Variants in TEX22 observed in about 807,000 individuals in gnomAD.
TEX22 encodes the protein testis expressed 22, also known as testis-expressed protein 22.
In TEX22, 16 loss-of-function variants were observed where a neutral mutation model predicts 11.3. That is an observed-to-expected ratio of 1.42 (90% CI 0.96 to 2.15). The LOEUF (loss-of-function observed/expected upper bound fraction) is 2.15, where lower values mean the gene tolerates loss of function less well. Among genes scored for constraint, TEX22 ranks in the 30% most tolerant of loss-of-function variants. The probability of loss-of-function intolerance (pLI) is 0.00; values close to 1 mark genes in which losing one functional copy is unlikely to be tolerated. For missense variants in TEX22, 220 were observed against 208.6 expected, an observed-to-expected ratio of 1.05 and a Z score of -0.34; for synonymous variants, 97 against 92.3, an observed-to-expected ratio of 1.05 and a Z score of -0.29.
At chr14:105,410,320 A>T (rs1347193954) in intron 2 of TEX22, among the ~76,000 whole-genome samples, 3 of 151,538 alleles carry the variant, frequency 2.0e-5, no homozygotes, top group African/African-American at 7.3e-5. Context: ...CAGGTGATCT[A>T]CTCGCCTCGG....
chr14:105,407,390 A>G (rs2081663959), intron 2 of TEX22, among the ~76,000 whole-genome samples: 1 of 151,396 alleles, frequency 6.6e-6, no homozygotes, highest in African/African-American at 2.4e-5. Context: ...TTTTTTAGAG[A>G]TGGGATCTCA....
chr14:105,402,348 T>A (rs1368223270), intron 2 of TEX22, among the ~76,000 whole-genome samples: 1 of 152,140 alleles, frequency 6.6e-6, no homozygotes, highest in African/African-American at 2.4e-5. Context: ...AAGAGGGAGT[T>A]TGGATATGTG....
At position 105,400,361 on chromosome 14, in the gene TEX22, G is replaced by T. The variant is rs2081620423; in HGVS notation, c.150+871G>T. ...ACCCCTATGATGGTGTCAGGTGCTGGGGAGTGGGGTGACCAAACCAGCAGA... is the reference window on the plus strand; with the variant it reads ...ACCCCTATGATGGTGTCAGGTGCTGTGGAGTGGGGTGACCAAACCAGCAGA... On this transcript the variant is annotated intron_variant, in intron 2 of 3. Coordinates refer to ENST00000451127, the MANE Select transcript of TEX22 (RefSeq NM_001195082.2). Among the ~76,000 whole-genome samples the T allele has an allele frequency of 2.0e-5, 3 of 152,232 alleles. 1 individual carries two copies. In the South Asian group the frequency reaches 6.2e-4, roughly 32 times the overall value.
intron 2 of TEX22, among the ~76,000 whole-genome samples, chr14:105,410,060 C>T (rs963489120): frequency 6.6e-6 from 1 of 152,136 alleles, no homozygotes; most frequent in Non-Finnish European, 1.5e-5. Flanking sequence ...TGAACCATGG[C>T]GCCTAGCCTC....
rs1488450005 is a variant in TEX22, at chr14:105,399,416, C to G, written c.76C>G (p.Leu26Val). Residue 26 changes from leucine to valine, a missense_variant, in exon 2 of 4, where the codon CTG becomes GTG. Physicochemically the swap from Leu to Val is conservative, Grantham distance 32. Coordinates refer to ENST00000451127, the MANE Select transcript of TEX22 (RefSeq NM_001195082.2). ...CTCCCAAGAGCACAGGCGGCCCCCA[C>G]TGGGCCTGATAGCAGCCTGGGGCCA... is the stretch of plus-strand genomic sequence containing the variant. Reference protein sequence around the residue: ...HLSQEHRRPPLGLIAAWGQPS... With the variant: ...HLSQEHRRPPVGLIAAWGQPS... 6.5e-7 allele frequency: 1 copy of G among 1,535,734 alleles called. No homozygotes were observed. The highest frequency in any genetic ancestry group is 8.7e-7 in the Non-Finnish European group (1 of 1,146,800).
chr14:105,401,629 G>A (rs1330698425), intron 2 of TEX22, among the ~76,000 whole-genome samples: 3 of 151,778 alleles, frequency 2.0e-5, no homozygotes, highest in Admixed American at 2.0e-4. Context: ...TACACCTAAT[G>A]CTAAATGACG....
At chr14:105,401,576 C>T (rs1372150886) in intron 2 of TEX22, among the ~76,000 whole-genome samples, 4 of 105,874 alleles carry the variant, frequency 3.8e-5, no homozygotes, top group Non-Finnish European at 7.0e-5. Flanking sequence ...ACACCGGGGA[C>T]TCTTGTGGGG....
At chr14:105,402,654 G>A (rs2081636980) in intron 2 of TEX22, among the ~76,000 whole-genome samples, 1 of 151,894 alleles carries the variant, frequency 6.6e-6, no homozygotes, top group Non-Finnish European at 1.5e-5. Context: ...TACTCGGGAG[G>A]CTGAGGCAGG....
chr14:105,399,832 C>CGCCTCGCTCCAG (rs1433857462), intron 2 of TEX22, among the ~76,000 whole-genome samples: 8 of 151,840 alleles, frequency 5.3e-5, no homozygotes, highest in African/African-American at 1.5e-4. Context: ...GGAGGGAAAG[C>CGCCTCGCTCCAG]AAGGTCCCCA....
chr14:105,405,221 C>T (rs1039250690), intron 2 of TEX22, among the ~76,000 whole-genome samples: 2 of 151,708 alleles, frequency 1.3e-5, no homozygotes, highest in East Asian at 3.9e-4. Flanking sequence ...GTCTGTGAGG[C>T]GGAAACTGCA....
intron 2 of TEX22, among the ~76,000 whole-genome samples, chr14:105,410,335 C>T (rs1416771550): frequency 1.3e-5 from 2 of 152,192 alleles, no homozygotes; most frequent in Non-Finnish European, 2.9e-5. Context: ...CCTCGGCCTC[C>T]CAAAATGCTG....
intron 1 of TEX22, among the ~76,000 whole-genome samples, chr14:105,398,906 A>G (rs1373041705): frequency 2.0e-5 from 3 of 152,222 alleles, no homozygotes; most frequent in Non-Finnish European, 1.5e-5. Flanking sequence ...GGGCTGTGGC[A>G]AGAGCTCTGG....
At chr14:105,409,142 C>T (rs2141361584) in intron 2 of TEX22, among the ~76,000 whole-genome samples, 1 of 152,164 alleles carries the variant, frequency 6.6e-6, no homozygotes, top group South Asian at 2.1e-4. Context: ...GCCCAGCTGG[C>T]AGGGCCACTG....
At position 105,412,187 on chromosome 14, in the gene TEX22, C is replaced by T. The variant is rs972398118; in HGVS notation, c.*354C>T. The stretch of plus-strand genomic sequence containing the variant: ...TGTCCTGGGAAGCCCCAGTGGCAGG[C>T]GCTGCCTGGAGACTCAGCTCCTTGG... On this transcript the variant is annotated 3_prime_UTR_variant, in exon 4 of 4. Transcript: ENST00000451127. The surrounding 1 kb of genome is among the most constrained non-coding windows in gnomAD (Gnocchi z 5.8). The T allele has an allele frequency of 2.5e-5, 5 of 202,718 alleles. No homozygotes were observed. The highest frequency in any genetic ancestry group is 4.0e-5 in the Non-Finnish European group (4 of 101,224). The allele number at this position is 202,718 out of a possible 1,614,324, so 12.6% of individuals were successfully genotyped here. A position where few individuals can be genotyped will look rare whatever the true frequency, so the allele number is the denominator to read the frequency against.
At chr14:105,411,524 C>CCCCGGG in intron 3 of TEX22, 28 bp downstream of exon 3, 1 of 1,109,014 alleles carries the variant, frequency 9.0e-7, no homozygotes, top group Non-Finnish European at 1.1e-6. Flanking sequence ...CCTCCCCGCC[C>CCCCGGG]CGTCCCCGCC....
At chr14:105,410,147 G>C (rs1213787105) in intron 2 of TEX22, among the ~76,000 whole-genome samples, 1 of 151,250 alleles carries the variant, frequency 6.6e-6, no homozygotes, top group African/African-American at 2.4e-5. Context: ...GTGTGATCTC[G>C]GCTCAGTGCA....
intron 2 of TEX22, among the ~76,000 whole-genome samples, chr14:105,402,800 A>G (rs2081639754): frequency 6.6e-6 from 1 of 151,782 alleles, no homozygotes; most frequent in Non-Finnish European, 1.5e-5. Flanking sequence ...CAATTCCTTC[A>G]TGAAGAACAC....
chr14:105,401,966 A>G lies in TEX22; in HGVS notation c.150+2476A>G, dbSNP rs141007688. Reference sequence around the variant, plus strand: ...TTCAGGAGGCCGAGGCAGGCGGATCACCTGAGGTCGAGAGTTGGAGACCAT... The same window carrying G: ...TTCAGGAGGCCGAGGCAGGCGGATCGCCTGAGGTCGAGAGTTGGAGACCAT... On this transcript the variant is annotated intron_variant, in intron 2 of 3. Coordinates refer to ENST00000451127, the MANE Select transcript of TEX22 (RefSeq NM_001195082.2). Among the ~76,000 whole-genome samples, 1,502 of 152,312 alleles carry G rather than the reference A, an allele frequency of 9.9e-3. 12 individuals are homozygous for G. The highest frequency in any genetic ancestry group is 0.014 in the Non-Finnish European group (953 of 68,024).
rs1470717377 is a variant in TEX22 at position 105,412,161 on chromosome 14, G to A, written c.*328G>A. 4.2e-6 allele frequency: 1 copy of A among 239,312 alleles called. No homozygotes were observed. The highest frequency in any genetic ancestry group is 8.1e-6 in the Non-Finnish European group (1 of 124,078). 14.8% of individuals were successfully genotyped at this position (239,312 alleles called of 1,614,324 possible). ...ACCTGGGCCTGCCTGAGGTGCACTGGTGTCCTGGGAAGCCCCAGTGGCAGG... is the reference window on the plus strand; with the variant it reads ...ACCTGGGCCTGCCTGAGGTGCACTGATGTCCTGGGAAGCCCCAGTGGCAGG... On this transcript the variant is annotated 3_prime_UTR_variant, in exon 4 of 4. Coordinates refer to ENST00000451127, the MANE Select transcript of TEX22 (RefSeq NM_001195082.2). This position sits in a 1 kb window ranked among gnomAD's most constrained non-coding sequence, Gnocchi z 5.8.
Sources: gnomAD v4.1 joint callset for allele counts (sites outside exome capture counted in the v4.1 genomes callset) on GRCh38, gnomAD v4.1.1 for gene constraint, Gnocchi (gnomAD v3.1) non-coding constraint, MANE v1.5 for transcripts, NCBI Gene and HGNC (gene_info 2026-07-23, HGNC 2026-07-21) for gene names.